Variants in FUNDC2 observed in about 807,000 individuals in gnomAD.
The protein encoded by FUNDC2 is FUN14 domain containing 2, also known as FUN14 domain-containing protein 2.
FUNDC2 carries 4 observed loss-of-function variants against 15.6 expected under a neutral mutation model. The observed-to-expected ratio is 0.26, with a 90% CI of 0.13 to 0.59. The LOEUF is 0.59. Ranked by LOEUF, FUNDC2 falls within the 20% of genes least tolerant of loss-of-function variation. The probability of loss-of-function intolerance (pLI) is 0.90; values close to 1 mark genes in which losing one functional copy is unlikely to be tolerated. For synonymous variants in FUNDC2, 44 were observed against 56.9 expected (o/e 0.77, Z 1.02); for missense variants, 98 against 149.7 (o/e 0.65, Z 1.80).
At chrX:155,052,589 G>A (rs1299752524) in intron 4 of FUNDC2, among the ~76,000 whole-genome samples, 3 of 111,037 alleles carry the variant, frequency 2.7e-5, no homozygotes, top group African/African-American at 9.9e-5. Flanking sequence ...GACAGATTGA[G>A]TGCAGGGGAG....
intron 1 of FUNDC2, among the ~76,000 whole-genome samples, chrX:155,028,096 A>G (rs781836244): frequency 3.6e-5 from 4 of 111,641 alleles, no homozygotes; most frequent in African/African-American, 1.3e-4. Flanking sequence ...ATAGACTTTT[A>G]TAAGAGCAGA....
intron 1 of FUNDC2, among the ~76,000 whole-genome samples, chrX:155,030,288 TG>T (rs2073810480): frequency 9.9e-6 from 1 of 100,779 alleles, no homozygotes; most frequent in African/African-American, 3.8e-5. Context: ...CCCAGCACTT[TG>T]GGAGGCTAAG....
intron 3 of FUNDC2, 102 bp from the exon 4 acceptor site, chrX:155,051,568 A>C: frequency 1.1e-6 from 1 of 912,464 alleles, no homozygotes; most frequent in Non-Finnish European, 1.5e-6. Flanking sequence ...CCAAAAATGG[A>C]AAGTCAGAGG....
intron 2 of FUNDC2, among the ~76,000 whole-genome samples, chrX:155,035,377 T>A (rs1557289079): frequency 1.8e-5 from 2 of 112,005 alleles, no homozygotes; most frequent in African/African-American, 6.5e-5. Flanking sequence ...ATTTTCTTTA[T>A]CTCTTAGTTT....
In FUNDC2 at chrX:155,054,683, C is replaced by T. The variant is rs782604903; in HGVS notation, c.*11C>T. The stretch of plus-strand genomic sequence containing the variant: ...GGCATGGCATCCTAAGGAAGATGAC[C>T]TCATGTTCATTGTTCCTGGTTTTTT... On this transcript the variant is annotated 3_prime_UTR_variant, in exon 5 of 5. Transcript: ENST00000369498. The T allele has an allele frequency of 8.4e-7, 1 of 1,194,515 alleles. No individual in the cohort carries two copies. The highest frequency in any genetic ancestry group is 2.2e-5 in the Admixed American group (1 of 45,958).
In FUNDC2 at chrX:155,042,549, C is replaced by T. The variant is rs61299423; in HGVS notation, c.285-3960C>T. ...TGGATCTGTGGGTTTATAGTTTTCA[C>T]GAAGCTTGGAATATTTTCTGTTGTC... On this transcript the variant is annotated intron_variant, in intron 2 of 4. Transcript: ENST00000369498. Among the ~76,000 whole-genome samples the T allele has an allele frequency of 3.1e-3, 341 of 111,242 alleles. 2 individuals carry two copies. The highest frequency in any genetic ancestry group is 0.011 in the African/African-American group (331 of 30,552).
At position 155,026,978 on chromosome X, in the gene FUNDC2, G is replaced by T. The variant is rs782424718; in HGVS notation, c.40G>T (p.Ala14Ser). ...CCCACGTGCCGGAAGCCAAGTGGTG[G>T]CGACAACTGCGCGCCACTCCGCGGC... ...SAPRAGSQVV[A>S]TTARHSAAYR... is the part of the protein sequence containing the mutation. The change falls in exon 1 of 5, where the codon GCG becomes TCG. Residue 14 changes from alanine to serine, a missense_variant. Coordinates refer to ENST00000369498, the MANE Select transcript of FUNDC2 (RefSeq NM_023934.4). 8 of 1,200,245 alleles carry T rather than the reference G, an allele frequency of 6.7e-6. No individual in the cohort carries two copies. Among genetic ancestry groups the T allele is most frequent in the South Asian group, 1.8e-5 (1 of 55,511 alleles).
intron 4 of FUNDC2, among the ~76,000 whole-genome samples, chrX:155,052,651 G>A (rs968838107): frequency 8.1e-5 from 9 of 111,029 alleles, no homozygotes; most frequent in East Asian, 2.8e-4. Context: ...GTGGCTCTTC[G>A]TGCTGGTGAT....
chrX:155,046,243 C>A (rs1246653555), intron 2 of FUNDC2, among the ~76,000 whole-genome samples: 1 of 111,098 alleles, frequency 9.0e-6, no homozygotes, highest in Non-Finnish European at 1.9e-5. Context: ...TCGTCCTCCC[C>A]CTTTAATCTC....
At chrX:155,049,455 T>C (rs1021695904) in intron 3 of FUNDC2, 1 of 113,143 alleles carries the variant, frequency 8.8e-6, no homozygotes, top group South Asian at 3.6e-4. Context: ...TGTCTATCTC[T>C]TCTTCAGTAT....
At chrX:155,038,989 T>C (rs1172467695) in intron 2 of FUNDC2, among the ~76,000 whole-genome samples, 1 of 112,489 alleles carries the variant, frequency 8.9e-6, no homozygotes, top group Admixed American at 9.4e-5. Flanking sequence ...AGATTTCCTT[T>C]TCTCTACATC....
At chrX:155,049,133 T>G (rs1407879141) in intron 3 of FUNDC2, 1 of 112,965 alleles carries the variant, frequency 8.9e-6, no homozygotes, top group East Asian at 2.8e-4. Context: ...GCTTGCCAGT[T>G]TTCAGTTTAT....
intron 2 of FUNDC2, among the ~76,000 whole-genome samples, chrX:155,041,683 C>T (rs1168848809): frequency 9.0e-6 from 1 of 110,650 alleles, no homozygotes; most frequent in Non-Finnish European, 1.9e-5. Context: ...TGTCTTTTGG[C>T]TTTGTATTAT....
rs1481079372 is a variant in FUNDC2 at position 155,056,365 on chromosome X, C to G, written c.*1693C>G. On this transcript the variant is annotated 3_prime_UTR_variant, in exon 5 of 5. Coordinates refer to ENST00000369498, the MANE Select transcript of FUNDC2 (RefSeq NM_023934.4). ...AAAAATCATAAATACCTCATCATATCAGACATTAACAGTAATTACATAATA... is the reference window on the plus strand; with the variant it reads ...AAAAATCATAAATACCTCATCATATGAGACATTAACAGTAATTACATAATA... 3 of 111,399 alleles carry G rather than the reference C, an allele frequency of 2.7e-5. No homozygotes were observed. The highest frequency in any genetic ancestry group is 9.5e-5 in the Admixed American group (1 of 10,505). 9.2% of individuals were successfully genotyped at this position (111,399 alleles called of 1,213,427 possible).
At chrX:155,030,859 G>T (rs1383631483) in intron 1 of FUNDC2, among the ~76,000 whole-genome samples, 1 of 108,499 alleles carries the variant, frequency 9.2e-6, no homozygotes, top group Non-Finnish European at 1.9e-5. Flanking sequence ...CTAATTTTTG[G>T]TATTTTTAGT....
Position 155,053,955 on chromosome X carries a change from T to C in FUNDC2, c.493-640T>C, listed in dbSNP as rs1189445954. On this transcript the variant is annotated intron_variant, in intron 4 of 4. Transcript: ENST00000369498. ...GAGCCATAAAGAGTGTCTGAATGTATGCACTGAGTCTCAGATGACCGGGAG... is the reference window on the plus strand; with the variant it reads ...GAGCCATAAAGAGTGTCTGAATGTACGCACTGAGTCTCAGATGACCGGGAG... 1.1e-5 allele frequency: 8 copies of C among 751,746 alleles called. No individual in the cohort carries two copies. The African/African-American group carries it at 1.2e-4, about 11-fold the overall frequency. The allele number at this position is 751,746 out of a possible 1,213,427, so 62.0% of individuals were successfully genotyped here.
rs1411182999 is a variant in FUNDC2, at chrX:155,039,741, A to G, written c.284+6188A>G. On this transcript the variant is annotated intron_variant, in intron 2 of 4. Transcript: ENST00000369498. ...CCAGGACCATGTTGTTTTGGTTACTATAGCTTTGTAGTATATTTTGAGATC... is the reference window on the plus strand; with the variant it reads ...CCAGGACCATGTTGTTTTGGTTACTGTAGCTTTGTAGTATATTTTGAGATC... Among the ~76,000 whole-genome samples, 3 of 111,959 alleles carry G rather than the reference A, an allele frequency of 2.7e-5. No individual in the cohort carries two copies. In the East Asian group the frequency reaches 8.3e-4, roughly 31 times the overall value.
intron 3 of FUNDC2, chrX:155,050,952 A>C (rs1160452419): frequency 8.9e-6 from 1 of 112,074 alleles, no homozygotes; most frequent in Non-Finnish European, 1.9e-5. Context: ...GAAGACTTTT[A>C]GTTTCAGATA....
chrX:155,042,950 T>C (rs1557289744), intron 2 of FUNDC2, among the ~76,000 whole-genome samples: 1 of 112,014 alleles, frequency 8.9e-6, no homozygotes. Context: ...TTTGCATCTT[T>C]TTTTTTGAGA....
Sources: allele counts gnomAD v4.1 joint callset (sites outside exome capture counted in the v4.1 genomes callset), GRCh38; gene constraint gnomAD v4.1.1; transcripts MANE v1.5; gene names NCBI Gene and HGNC (gene_info 2026-07-23, HGNC 2026-07-21).